The following KLKB1 variants were observed in gnomAD, a reference collection of about 807,000 sequenced individuals.
KLKB1 encodes kallikrein B1, also known as plasma kallikrein.
KLKB1 carries 58 observed loss-of-function variants against 73.6 expected under a neutral mutation model. The observed-to-expected ratio is 0.79, with a 90% CI of 0.64 to 0.98. The LOEUF (loss-of-function observed/expected upper bound fraction) is 0.98. Ranked by LOEUF, KLKB1 falls within the 50% of genes least tolerant of loss-of-function variation. The pLI, the probability that KLKB1 is intolerant of heterozygous loss-of-function variation, is 0.00. For missense variants in KLKB1, 737 were observed against 763.8 expected, an observed-to-expected ratio of 0.96 and a Z score of 0.41; for synonymous variants, 280 against 258.1, an observed-to-expected ratio of 1.08 and a Z score of -0.81.
chr4:186,226,020 T>G (rs1737156394), upstream of KLKB1, among the ~76,000 whole-genome samples: 1 of 152,034 alleles, frequency 6.6e-6, no homozygotes, highest in Non-Finnish European at 1.5e-5. Context: ...TGATTCTTTC[T>G]CCTGCTTGAT....
At chr4:186,222,080 C>T (rs1737044248), upstream of KLKB1, among the ~76,000 whole-genome samples, 1 of 152,164 alleles carries the variant, frequency 6.6e-6, no homozygotes, top group South Asian at 2.1e-4. Context: ...GGATAGCCAC[C>T]TCTGCTTTCG....
chr4:186,246,432 C>T (rs1165183201), intron 6 of KLKB1, among the ~76,000 whole-genome samples: 1 of 152,108 alleles, frequency 6.6e-6, no homozygotes, highest in African/African-American at 2.4e-5. Context: ...ACGTCAGGCA[C>T]CTCAGACCGT....
chr4:186,230,472 G>A (rs912720028), intron 2 of KLKB1, among the ~76,000 whole-genome samples: 7 of 151,918 alleles, frequency 4.6e-5, no homozygotes, highest in Non-Finnish European at 1.5e-5. Flanking sequence ...TGGACATGGG[G>A]GCCCATGTAA....
chr4:186,244,967 G>A (rs1213045727), intron 6 of KLKB1, among the ~76,000 whole-genome samples: 1 of 152,224 alleles, frequency 6.6e-6, no homozygotes, highest in South Asian at 2.1e-4. Flanking sequence ...ATTAAGGTGG[G>A]GACACACAAG....
At chr4:186,217,042 A>G (rs1456607118) in intron 2 of KLKB1, among the ~76,000 whole-genome samples, 1 of 152,198 alleles carries the variant, frequency 6.6e-6, no homozygotes, top group African/African-American at 2.4e-5. Flanking sequence ...ATTTGGGAGA[A>G]TGTTTTAGAA....
upstream of KLKB1, among the ~76,000 whole-genome samples, chr4:186,225,828 C>G (rs948086095): frequency 6.6e-6 from 1 of 152,022 alleles, no homozygotes; most frequent in Non-Finnish European, 1.5e-5. Flanking sequence ...TGAGAGTTTT[C>G]TATTCTTATT....
At chr4:186,237,794 C>T (rs1481442338) in intron 5 of KLKB1, among the ~76,000 whole-genome samples, 1 of 152,136 alleles carries the variant, frequency 6.6e-6, no homozygotes, top group African/African-American at 2.4e-5. Context: ...ACCCACTAAG[C>T]TATTTTTCAA....
chr4:186,255,969 C>G (rs911189945), intron 12 of KLKB1, 23 bp from the exon 13 acceptor site: 1 of 1,464,414 alleles, frequency 6.8e-7, no homozygotes, highest in Non-Finnish European at 9.6e-7. Context: ...TGACCAAACT[C>G]TAATTTAAAA....
intron 2 of KLKB1, among the ~76,000 whole-genome samples, chr4:186,215,400 CTTTCCTTGCTT>C (rs1736868213): frequency 1.7e-5 from 1 of 60,156 alleles, no homozygotes; most frequent in Non-Finnish European, 4.4e-5. Flanking sequence ...TTTCTTCTTT[CTTTCCTTGCTT>C]TCTCTCTTGC....
intron 2 of KLKB1, among the ~76,000 whole-genome samples, chr4:186,229,563 A>T (rs1243755527): frequency 6.6e-6 from 1 of 152,100 alleles, no homozygotes; most frequent in African/African-American, 2.4e-5. Flanking sequence ...ACAATTTTTG[A>T]AATAAAAATA....
chr4:186,250,532 G>A (rs1482585047), intron 7 of KLKB1, 130 bp downstream of exon 7: 2 of 1,011,562 alleles, frequency 2.0e-6, no homozygotes, highest in African/African-American at 1.6e-5. Context: ...ACTTGAACCT[G>A]CAGTTTCAGT....
chr4:186,248,387 C>G (rs1443367072), intron 6 of KLKB1, among the ~76,000 whole-genome samples: 1 of 152,088 alleles, frequency 6.6e-6, no homozygotes, highest in African/African-American at 2.4e-5. Flanking sequence ...GTGGACTTGA[C>G]TCTTCGGGAC....
At chr4:186,257,488 AATTG>A in intron 14 of KLKB1, 123 bp downstream of exon 14, 1 of 708,098 alleles carries the variant, frequency 1.4e-6, no homozygotes, top group Non-Finnish European at 2.2e-6. Flanking sequence ...TGATCTGATA[AATTG>A]ATAAGCAACT....
intron 11 of KLKB1, 55 bp from the exon 12 acceptor site, chr4:186,254,533 A>G (rs1371067374): frequency 7.3e-7 from 1 of 1,374,106 alleles, no homozygotes; most frequent in Non-Finnish European, 1.0e-6. Flanking sequence ...AAAAAGGAAC[A>G]CTATTGAAGG....
At chr4:186,215,660 A>G (rs1369941876) in intron 2 of KLKB1, among the ~76,000 whole-genome samples, 1 of 152,022 alleles carries the variant, frequency 6.6e-6, no homozygotes, top group Non-Finnish European at 1.5e-5. Flanking sequence ...TGCAACCTTC[A>G]CCTACTGCGC....
intron 11 of KLKB1, among the ~76,000 whole-genome samples, chr4:186,253,758 A>ATACATTCATCTTTTAAATAATC (rs1310851608): frequency 6.6e-6 from 1 of 152,074 alleles, no homozygotes. Flanking sequence ...TGTACTTAGT[A>ATACATTCATCTTTTAAATAATC]TACATTCATC....
intron 5 of KLKB1, 137 bp downstream of exon 5, chr4:186,237,077 T>C: frequency 1.4e-6 from 1 of 715,786 alleles, no homozygotes; most frequent in Non-Finnish European, 2.3e-6. Context: ...TTACTTACTC[T>C]ATTTTATTTT....
In KLKB1 at chr4:186,233,974, A is replaced by G; in HGVS notation, c.244A>G (p.Ser82Gly). The change falls in exon 4 of 15, where the codon AGT becomes GGT. Residue 82 changes from serine (S) to glycine (G), a missense_variant. Ser to Gly is a moderately conservative substitution (Grantham distance 56, BLOSUM62 0). Transcript: ENST00000264690. ...EKRFGCFLKD[S>G]VTGTLPKVHR... is the part of the protein sequence containing the mutation. ...TAGGTTTGGTTGCTTCTTGAAAGAT[A>G]GTGTTACAGGAACCCTGCCAAAAGT... The G allele has an allele frequency of 6.2e-7, 1 of 1,613,804 alleles. No individual in the cohort carries two copies. Among genetic ancestry groups the G allele is most frequent in the South Asian group, 1.1e-5 (1 of 91,076 alleles).
At chr4:186,251,198 G>C (rs1052553500) in intron 7 of KLKB1, 21 bp from the exon 8 acceptor site, 3 of 1,462,648 alleles carry the variant, frequency 2.1e-6, no homozygotes, top group Non-Finnish European at 1.9e-6. Context: ...TTTCTCTCTT[G>C]CTTTTTTTTA....
Sources: allele counts gnomAD v4.1 joint callset (sites outside exome capture counted in the v4.1 genomes callset), GRCh38; gene constraint gnomAD v4.1.1; transcripts MANE v1.5; gene names NCBI Gene and HGNC (gene_info 2026-07-23, HGNC 2026-07-21).